The following ZNF438 variants were observed in gnomAD, a reference collection of about 807,000 sequenced individuals.
The protein encoded by ZNF438 is zinc finger protein 438.
ZNF438 carries 25 observed loss-of-function variants against 38.0 expected under a neutral mutation model. The observed-to-expected ratio is 0.66, with a 90% CI of 0.48 to 0.92. ZNF438 has a LOEUF of 0.92. Among genes scored for constraint, ZNF438 ranks in the 40% least tolerant of loss-of-function variants. ZNF438 has a pLI of 0.00. For missense variants in ZNF438, 1,007 were observed against 999.6 expected, an observed-to-expected ratio of 1.01 and a Z score of -0.10; for synonymous variants, 372 against 364.1, an observed-to-expected ratio of 1.02 and a Z score of -0.25.
chr10:31,022,101 G>A (rs1486034896), intron 1 of ZNF438, among the ~76,000 whole-genome samples: 1 of 152,138 alleles, frequency 6.6e-6, no homozygotes, highest in Non-Finnish European at 1.5e-5. Flanking sequence ...ATTGTGACGT[G>A]TGACAAAAAG....
At chr10:30,891,443 C>A (rs1296074415) in intron 3 of ZNF438, among the ~76,000 whole-genome samples, 1 of 151,914 alleles carries the variant, frequency 6.6e-6, no homozygotes, top group African/African-American at 2.4e-5. Context: ...TAAACTTTTC[C>A]GTAACTAAAA....
intron 4 of ZNF438, among the ~76,000 whole-genome samples, chr10:30,864,221 C>T (rs1191922238): frequency 6.6e-6 from 1 of 152,162 alleles, no homozygotes; most frequent in Non-Finnish European, 1.5e-5. Context: ...AGGAGAAGTA[C>T]TATAACTCTA....
chr10:30,959,533 T>C lies in ZNF438; in HGVS notation c.-191-17882A>G, dbSNP rs1294580764. 8.4e-5 allele frequency among the ~76,000 whole-genome samples: 12 copies of C among 143,044 alleles called. 1 individual carries two copies. Among genetic ancestry groups the C allele is most frequent in the African/African-American group, 3.0e-4 (12 of 40,338 alleles). The allele number at this position is 143,044 out of a possible 152,430, so 93.8% of individuals were successfully genotyped here. On this transcript the variant is annotated intron_variant, in intron 1 of 5. Coordinates refer to ENST00000413025, the Ensembl canonical transcript of ZNF438. ...GTGGGCGGATCACGAGGTCAGGAGA[T>C]TGAGACCATCCTGGCTAACACGGTG... is the stretch of plus-strand genomic sequence containing the variant.
intron 4 of ZNF438, among the ~76,000 whole-genome samples, chr10:30,862,507 T>C (rs1441039887): frequency 6.6e-6 from 1 of 152,116 alleles, no homozygotes; most frequent in African/African-American, 2.4e-5. Flanking sequence ...AGTCTCACCA[T>C]GTTTCCCAGG....
At chr10:30,996,484 A>C (rs113260490) in intron 1 of ZNF438, among the ~76,000 whole-genome samples, 88 of 152,130 alleles carry the variant, frequency 5.8e-4, no homozygotes, top group Non-Finnish European at 1.1e-3. Flanking sequence ...ACTAGAAATA[A>C]AGAGAAACAC....
In ZNF438 at chr10:30,877,475, TCA is replaced by T. The variant is rs997365912; in HGVS notation, c.-31-412_-31-411del. ...ATATAATCATTTGATGAAATATAAC[TCA>T]GTCATTAAAATGCAACTGTGAAGAT... is the stretch of plus-strand genomic sequence containing the variant. On this transcript the variant is annotated intron_variant, in intron 3 of 5. Coordinates refer to ENST00000413025, the Ensembl canonical transcript of ZNF438. Among the ~76,000 whole-genome samples the T allele has an allele frequency of 5.1e-4, 77 of 152,212 alleles. 1 individual carries two copies. The highest frequency in any genetic ancestry group is 1.6e-4 in the Non-Finnish European group (11 of 68,050).
At chr10:30,888,522 CACCCTCCACCCTCT>C (rs991194687) in intron 3 of ZNF438, among the ~76,000 whole-genome samples, 12 of 152,244 alleles carry the variant, frequency 7.9e-5, no homozygotes, top group African/African-American at 2.6e-4. Context: ...TCCCTCCTCC[CACCCTCCACCCTCT>C]ACCCTCAAGT....
exon 5 of ZNF438, chr10:30,850,191 G>T (rs2033317652): frequency 6.2e-7 from 1 of 1,614,056 alleles, no homozygotes; most frequent in Non-Finnish European, 8.5e-7. Flanking sequence ...ATCCCCAGCA[G>T]CTTGGAGTTG....
chr10:31,017,526 C>T (rs776552207), intron 1 of ZNF438, among the ~76,000 whole-genome samples: 3 of 152,204 alleles, frequency 2.0e-5, no homozygotes, highest in Non-Finnish European at 4.4e-5. Context: ...GTCTGTTTGC[C>T]TCAGTCAGTT....
chr10:30,894,137 A>G (rs1469944827), intron 3 of ZNF438, among the ~76,000 whole-genome samples: 1 of 152,210 alleles, frequency 6.6e-6, no homozygotes, highest in African/African-American at 2.4e-5. Context: ...CTCTTTGCAG[A>G]AGATGCTCTA....
At chr10:30,861,004 C>G (rs1448020070) in intron 4 of ZNF438, among the ~76,000 whole-genome samples, 2 of 152,024 alleles carry the variant, frequency 1.3e-5, no homozygotes, top group African/African-American at 4.8e-5. Context: ...AGCCTGAGTA[C>G]AGAAAGAAAA....
At chr10:31,013,586 T>C (rs1039276207) in intron 1 of ZNF438, among the ~76,000 whole-genome samples, 1 of 152,134 alleles carries the variant, frequency 6.6e-6, no homozygotes, top group African/African-American at 2.4e-5. Context: ...CACACGCACA[T>C]TCTTCCCTCC....
chr10:30,957,031 T>A (rs1434891699), intron 1 of ZNF438, among the ~76,000 whole-genome samples: 1 of 152,188 alleles, frequency 6.6e-6, no homozygotes, highest in Non-Finnish European at 1.5e-5. Context: ...AACAGTTCCC[T>A]TTTCTCCACA....
intron 1 of ZNF438, among the ~76,000 whole-genome samples, chr10:31,003,845 C>T (rs1346292973): frequency 6.6e-6 from 1 of 152,130 alleles, no homozygotes; most frequent in Non-Finnish European, 1.5e-5. Flanking sequence ...CAAATAAAAG[C>T]CTCCAATGGC....
At chr10:30,930,803 C>CAAAAAAAAAAAAAAGAAAAAAAAAA (rs2045579745) in intron 2 of ZNF438, among the ~76,000 whole-genome samples, 1 of 38,434 alleles carries the variant, frequency 2.6e-5, no homozygotes, top group Non-Finnish European at 4.9e-5. Flanking sequence ...GAAACTCAGT[C>CAAAAAAAAAAAAAAGAAAAAAAAAA]AAAAAAAAAA....
intron 1 of ZNF438, among the ~76,000 whole-genome samples, chr10:30,993,581 T>C (rs1344120417): frequency 6.6e-6 from 1 of 152,264 alleles, no homozygotes; most frequent in East Asian, 1.9e-4. Context: ...ACTGGTGCCC[T>C]GGCAGAGACT....
At chr10:30,878,546 G>A (rs1564551661) in intron 3 of ZNF438, among the ~76,000 whole-genome samples, 1 of 152,092 alleles carries the variant, frequency 6.6e-6, no homozygotes, top group African/African-American at 2.4e-5. Flanking sequence ...CCACACAAGG[G>A]CTTGGGACCC....
At chr10:30,892,984 C>T (rs1291448755) in intron 3 of ZNF438, among the ~76,000 whole-genome samples, 1 of 152,210 alleles carries the variant, frequency 6.6e-6, no homozygotes, top group African/African-American at 2.4e-5. Context: ...ATACAGTGTG[C>T]ACCCTTGCAT....
Position 30,942,079 on chromosome 10 carries a change from C to T in ZNF438, c.-191-428G>A, listed in dbSNP as rs117621684. 7.7e-3 allele frequency among the ~76,000 whole-genome samples: 1,175 copies of T among 152,134 alleles called. 3 individuals are homozygous for T. The highest frequency in any genetic ancestry group is 9.6e-3 in the Non-Finnish European group (651 of 67,998). On this transcript the variant is annotated intron_variant, in intron 1 of 5. Coordinates refer to ENST00000413025, the Ensembl canonical transcript of ZNF438. ...AAACATGAAAAACTCTGTATCGAGGCGATGTAGTAAGTGCTACAAGTGACA... is the reference window on the plus strand; with the variant it reads ...AAACATGAAAAACTCTGTATCGAGGTGATGTAGTAAGTGCTACAAGTGACA...
Sources: allele counts gnomAD v4.1 joint callset (sites outside exome capture counted in the v4.1 genomes callset), GRCh38; gene constraint gnomAD v4.1.1; transcripts MANE v1.5; gene names NCBI Gene and HGNC (gene_info 2026-07-23, HGNC 2026-07-21).